Variants in ASPRV1 observed in about 807,000 individuals in gnomAD.
The protein encoded by ASPRV1 is aspartic peptidase retroviral like 1, also known as retroviral-like aspartic protease 1.
ASPRV1 carries 7 observed loss-of-function variants against 11.0 expected under a neutral mutation model. The observed-to-expected ratio is 0.64, with a 90% CI of 0.36 to 1.20. The LOEUF is 1.20. Among genes scored for constraint, ASPRV1 ranks in the 50% most tolerant of loss-of-function variants. ASPRV1 has a pLI of 0.02. For synonymous variants in ASPRV1, 136 were observed against 138.4 expected, an observed-to-expected ratio of 0.98 and a Z score of 0.12; for missense variants, 299 against 320.0, an observed-to-expected ratio of 0.93 and a Z score of 0.50.
the ASPRV1 span, among the ~76,000 whole-genome samples, chr2:69,934,561 T>G: frequency 0.045 from 6,794 of 152,182 alleles, 355 homozygotes; most frequent in African/African-American, 0.13. Flanking sequence ...CTTCCTTATC[T>G]CTGTCTGACT....
the ASPRV1 span, among the ~76,000 whole-genome samples, chr2:69,946,362 G>A: frequency 2.6e-5 from 4 of 151,430 alleles, no homozygotes; most frequent in African/African-American, 4.9e-5. Context: ...GCTAAGGGTC[G>A]ATGCCAACTC....
At chr2:69,985,948 C>T in the ASPRV1 span, among the ~76,000 whole-genome samples, 2 of 152,140 alleles carry the variant, frequency 1.3e-5, no homozygotes. Context: ...GTTGGCAAGA[C>T]GGCTCATCGA....
the ASPRV1 span, among the ~76,000 whole-genome samples, chr2:69,947,290 G>T: frequency 6.6e-6 from 1 of 152,304 alleles, no homozygotes; most frequent in African/African-American, 2.4e-5. Context: ...CTGCTTTCTT[G>T]TCACCACACT....
upstream of ASPRV1, among the ~76,000 whole-genome samples, chr2:69,966,122 G>A (rs1678332163): frequency 1.3e-5 from 2 of 152,202 alleles, no homozygotes; most frequent in Non-Finnish European, 2.9e-5. Flanking sequence ...TGGCCCCAGT[G>A]CCATTGCAAG....
the ASPRV1 span, among the ~76,000 whole-genome samples, chr2:70,078,813 C>T: frequency 6.6e-6 from 1 of 152,310 alleles, no homozygotes; most frequent in African/African-American, 2.4e-5. Flanking sequence ...AAAGCAGTGA[C>T]TTGATCTGAT....
the ASPRV1 span, among the ~76,000 whole-genome samples, chr2:70,042,625 T>C: frequency 6.6e-6 from 1 of 152,182 alleles, no homozygotes; most frequent in Non-Finnish European, 1.5e-5. Context: ...CAGGAGTTCT[T>C]CCCTACTGGA....
the ASPRV1 span, among the ~76,000 whole-genome samples, chr2:69,986,309 T>TAACAGGGCTA: frequency 2.0e-5 from 3 of 152,200 alleles, no homozygotes; most frequent in Admixed American, 2.0e-4. Flanking sequence ...GTAGTTTAGC[T>TAACAGGGCTA]AACAGGGGGA....
the ASPRV1 span, among the ~76,000 whole-genome samples, chr2:70,037,807 T>A: frequency 6.6e-6 from 1 of 152,244 alleles, no homozygotes; most frequent in Non-Finnish European, 1.5e-5. Flanking sequence ...AAAAAAAAAT[T>A]ATCTTCTAGT....
At chr2:70,056,604 C>CAAAAAAAAAAAAAAAAAAAA in the ASPRV1 span, 1 of 75,718 alleles carries the variant, frequency 1.3e-5, no homozygotes, top group African/African-American at 7.9e-5. Context: ...GACTCCGTCT[C>CAAAAAAAAAAAAAAAAAAAA]AAAAAAAAAA....
the ASPRV1 span, among the ~76,000 whole-genome samples, chr2:69,997,211 G>C: frequency 6.8e-6 from 1 of 147,182 alleles, no homozygotes; most frequent in African/African-American, 2.5e-5. Context: ...AAAAATGGAC[G>C]CAGGCCTTTG....
chr2:70,036,973 GGGAAGA>G, the ASPRV1 span, among the ~76,000 whole-genome samples: 1 of 152,176 alleles, frequency 6.6e-6, no homozygotes, highest in Non-Finnish European at 1.5e-5. Context: ...CTGGCAGGAA[GGGAAGA>G]ACCAAAATAC....
rs147056246 is a variant in ASPRV1 at position 69,960,910 on chromosome 2, G to T, written c.527C>A (p.Ala176Glu). The T allele has an allele frequency of 1.2e-6, 2 of 1,614,024 alleles. No individual in the cohort carries two copies. The highest frequency in any genetic ancestry group is 4.5e-5 in the East Asian group (2 of 44,876). ...EMKILGVWDTAVSLGKLKLKA... is the reference protein window; with the variant it reads ...EMKILGVWDTEVSLGKLKLKA... ...CAGCTTCAGCTTGCCTAGGGACACC[G>T]CTGTATCCCAGACACCCAGGATCTT... Residue 176 changes from alanine to glutamate, a missense_variant, in exon 1 of 1, where the codon GCG becomes GAG. Ala to Glu is a moderately radical substitution (Grantham distance 107). Coordinates refer to ENST00000320256, the MANE Select transcript of ASPRV1 (RefSeq NM_152792.4).
chr2:70,015,160 T>C, the ASPRV1 span, among the ~76,000 whole-genome samples: 1 of 152,160 alleles, frequency 6.6e-6, no homozygotes, highest in Non-Finnish European at 1.5e-5. Context: ...GAAGATTAAC[T>C]TCACATTTAA....
At chr2:70,054,423 CA>C in the ASPRV1 span, among the ~76,000 whole-genome samples, 2 of 150,972 alleles carry the variant, frequency 1.3e-5, no homozygotes. Flanking sequence ...AAAATACACA[CA>C]AAAAAATTAG....
At chr2:70,023,520 A>G in the ASPRV1 span, among the ~76,000 whole-genome samples, 1 of 152,044 alleles carries the variant, frequency 6.6e-6, no homozygotes. Context: ...TAAAAGATGC[A>G]TTGTTGGCCA....
At chr2:70,079,891 T>G in the ASPRV1 span, among the ~76,000 whole-genome samples, 1 of 151,686 alleles carries the variant, frequency 6.6e-6, no homozygotes, top group Admixed American at 6.6e-5. Context: ...AAAGCAAAAA[T>G]CAATGCTCTT....
the ASPRV1 span, chr2:69,937,186 A>G: frequency 9.9e-6 from 16 of 1,609,246 alleles, no homozygotes; most frequent in African/African-American, 8.0e-5. Context: ...GCCATTGCCC[A>G]TTTAGAGATC....
chr2:69,963,061 C>T (rs536074324), upstream of ASPRV1: 8 of 351,132 alleles, frequency 2.3e-5, no homozygotes, highest in East Asian at 3.7e-4. Flanking sequence ...CAGTGCCTGG[C>T]GGAATCCCAG....
At chr2:70,026,841 A>G in the ASPRV1 span, among the ~76,000 whole-genome samples, 3 of 151,880 alleles carry the variant, frequency 2.0e-5, no homozygotes, top group Non-Finnish European at 4.4e-5. Context: ...ACAGAAATAG[A>G]AAAAACAACC....
Sources: gnomAD v4.1 joint callset for allele counts (sites outside exome capture counted in the v4.1 genomes callset) on GRCh38, gnomAD v4.1.1 for gene constraint, MANE v1.5 for transcripts, NCBI Gene and HGNC (gene_info 2026-07-23, HGNC 2026-07-21) for gene names.